The following SLC36A1 variants were observed in gnomAD, a reference collection of about 807,000 sequenced individuals.
SLC36A1 encodes proton-coupled amino acid transporter 1.
In SLC36A1, 30 loss-of-function variants were observed where a neutral mutation model predicts 47.5. The ratio of observed to expected loss-of-function variants is 0.63; its 90% CI spans 0.47 to 0.86. SLC36A1 has a LOEUF of 0.86. Ranked by LOEUF, SLC36A1 falls within the 40% of genes least tolerant of loss-of-function variation. The probability of loss-of-function intolerance (pLI) is 0.00; values close to 1 mark genes in which losing one functional copy is unlikely to be tolerated. For synonymous variants in SLC36A1, 255 were observed against 249.7 expected, an observed-to-expected ratio of 1.02 and a Z score of -0.20; for missense variants, 517 against 606.0, an observed-to-expected ratio of 0.85 and a Z score of 1.54.
the SLC36A1 span, chr5:151,554,735 A>ACCCACC: frequency 1.7e-5 from 22 of 1,264,130 alleles, no homozygotes; most frequent in African/African-American, 2.8e-4. Context: ...ACTATGCTTT[A>ACCCACC]ACAACCTGGA....
the SLC36A1 span, among the ~76,000 whole-genome samples, chr5:151,396,030 G>A: frequency 2.6e-5 from 4 of 151,896 alleles, no homozygotes; most frequent in East Asian, 1.9e-4. Flanking sequence ...GGCTGGTCTC[G>A]TACTCCTGAC....
the SLC36A1 span, among the ~76,000 whole-genome samples, chr5:151,407,170 A>C: frequency 6.6e-6 from 1 of 152,218 alleles, no homozygotes; most frequent in South Asian, 2.1e-4. Flanking sequence ...TTTATTGTGA[A>C]GAGCAAAAGA....
At chr5:151,433,082 C>T (rs1759464555), upstream of SLC36A1, among the ~76,000 whole-genome samples, 1 of 150,384 alleles carries the variant, frequency 6.6e-6, no homozygotes, top group African/African-American at 2.4e-5. Context: ...TGAACATACT[C>T]AATAAAGCAT....
upstream of SLC36A1, among the ~76,000 whole-genome samples, chr5:151,435,991 T>C (rs945068507): frequency 1.6e-4 from 25 of 152,200 alleles, no homozygotes; most frequent in South Asian, 1.9e-3. Context: ...ATATTAATAT[T>C]AATATCAATA....
the SLC36A1 span, among the ~76,000 whole-genome samples, chr5:151,393,311 G>A: frequency 6.6e-6 from 1 of 152,012 alleles, no homozygotes; most frequent in Admixed American, 6.6e-5. Context: ...CACATGAGAT[G>A]GGTCTCCTGA....
the SLC36A1 span, among the ~76,000 whole-genome samples, chr5:151,516,391 C>G: frequency 3.1e-3 from 477 of 152,200 alleles, 1 homozygote; most frequent in African/African-American, 0.011. Flanking sequence ...TTGCACACAC[C>G]TGTAATTCCA....
intron 10 of SLC36A1, among the ~76,000 whole-genome samples, chr5:151,485,834 A>G (rs1437734905): frequency 6.6e-6 from 1 of 152,230 alleles, no homozygotes; most frequent in East Asian, 1.9e-4. Flanking sequence ...TGTCCATTGC[A>G]GCAGCCACTA....
intron 2 of SLC36A1, among the ~76,000 whole-genome samples, chr5:151,462,663 T>C (rs1246613611): frequency 6.6e-6 from 1 of 151,202 alleles, no homozygotes; most frequent in Non-Finnish European, 1.5e-5. Flanking sequence ...GCACCTGGCC[T>C]GACTTTTTTT....
At chr5:151,356,339 C>CAAACAAAAAAAAA in the SLC36A1 span, among the ~76,000 whole-genome samples, 1 of 51,314 alleles carries the variant, frequency 1.9e-5, no homozygotes, top group African/African-American at 5.4e-5. Flanking sequence ...CTCTGTCTCA[C>CAAACAAAAAAAAA]AAAAAAAAAA....
chr5:151,527,229 C>G, the SLC36A1 span: 1 of 1,599,050 alleles, frequency 6.3e-7, no homozygotes. Context: ...GAGGCTCAAG[C>G]TTACCTGGAC....
At chr5:151,398,280 T>C in the SLC36A1 span, among the ~76,000 whole-genome samples, 1 of 152,214 alleles carries the variant, frequency 6.6e-6, no homozygotes, top group Non-Finnish European at 1.5e-5. Flanking sequence ...AAAATGGCAA[T>C]TAGAATGTAC....
At chr5:151,399,084 A>ATATATATAT in the SLC36A1 span, among the ~76,000 whole-genome samples, 69 of 60,066 alleles carry the variant, frequency 1.1e-3, 1 homozygote, top group Non-Finnish European at 1.7e-3. Context: ...ATATATATAT[A>ATATATATAT]TTTTTTTTTT....
chr5:151,465,209 G>A, intron 5 of SLC36A1, 40 bp downstream of exon 5: 1 of 1,478,362 alleles, frequency 6.8e-7, no homozygotes, highest in Non-Finnish European at 9.5e-7. Flanking sequence ...TGGCCTCCCA[G>A]TGTGAGGCCT....
At chr5:151,381,530 A>G in the SLC36A1 span, among the ~76,000 whole-genome samples, 2 of 152,222 alleles carry the variant, frequency 1.3e-5, no homozygotes. Context: ...GGACTAGACT[A>G]GCCACAGGAT....
the SLC36A1 span, among the ~76,000 whole-genome samples, chr5:151,503,552 G>T: frequency 2.0e-5 from 3 of 151,390 alleles, no homozygotes; most frequent in East Asian, 1.9e-4. Context: ...GAACTTGAAG[G>T]CAGGGACTGG....
chr5:151,357,572 C>T, the SLC36A1 span, among the ~76,000 whole-genome samples: 1 of 152,246 alleles, frequency 6.6e-6, no homozygotes, highest in Non-Finnish European at 1.5e-5. Flanking sequence ...CCAAATCTAT[C>T]CTGACACCTG....
chr5:151,356,967 G>T, the SLC36A1 span, among the ~76,000 whole-genome samples: 1 of 152,184 alleles, frequency 6.6e-6, no homozygotes, highest in Non-Finnish European at 1.5e-5. Context: ...CAAGCAGGGT[G>T]CTCCCATAGG....
At chr5:151,467,978 A>T in intron 7 of SLC36A1, 53 bp downstream of exon 7, 4 of 1,495,124 alleles carry the variant, frequency 2.7e-6, no homozygotes, top group African/African-American at 2.8e-5. Flanking sequence ...TAAAAAAGCC[A>T]GGCGTGGTAG....
the SLC36A1 span, among the ~76,000 whole-genome samples, chr5:151,513,217 A>G: frequency 2.0e-5 from 3 of 152,368 alleles, no homozygotes; most frequent in Non-Finnish European, 2.9e-5. Context: ...GCTTGCAAAA[A>G]TGTAAAACAA....
Sources: allele counts gnomAD v4.1 joint callset (sites outside exome capture counted in the v4.1 genomes callset), GRCh38; gene constraint gnomAD v4.1.1; transcripts MANE v1.5; gene names NCBI Gene and HGNC (gene_info 2026-07-23, HGNC 2026-07-21).